Variants in SYPL1 observed in about 807,000 individuals in gnomAD.
SYPL1 encodes the protein synaptophysin like 1.
Under a neutral mutation model 23.7 loss-of-function variants are expected in SYPL1, and 6 were observed. The ratio of observed to expected loss-of-function variants is 0.25; its 90% CI spans 0.14 to 0.50. The LOEUF (loss-of-function observed/expected upper bound fraction) is 0.50, where lower values mean the gene tolerates loss of function less well. SYPL1 is among the 20% of genes least tolerant of loss of function. SYPL1 has a pLI of 0.98. For synonymous variants in SYPL1, 102 were observed against 104.5 expected, an observed-to-expected ratio of 0.98 and a Z score of 0.15; for missense variants, 253 against 288.9, an observed-to-expected ratio of 0.88 and a Z score of 0.90.
At chr7:106,092,052 AT>A (rs1839759667) in intron 4 of SYPL1, 113 bp from the exon 5 acceptor site, 1 of 1,036,584 alleles carries the variant, frequency 9.6e-7, no homozygotes, top group Non-Finnish European at 1.4e-6. Flanking sequence ...GAAGTACGCC[AT>A]TATTTCACTT....
chr7:106,108,619 G>C (rs1056587007), intron 1 of SYPL1, among the ~76,000 whole-genome samples: 4 of 152,156 alleles, frequency 2.6e-5, no homozygotes, highest in African/African-American at 9.7e-5. Context: ...TCCAGGTCTT[G>C]AGAGGCTATA....
upstream of SYPL1, chr7:106,112,489 C>G: frequency 6.6e-7 from 1 of 1,522,512 alleles, no homozygotes; most frequent in Middle Eastern, 1.8e-4. Context: ...CTGGCCGAGT[C>G]GACTGATCCG....
rs1469060219 is a variant in SYPL1, at chr7:106,099,270, A to G, written c.82T>C (p.Phe28Leu). 1 of 1,611,542 alleles carries G rather than the reference A, an allele frequency of 6.2e-7. No homozygotes were observed. ...AAACCTCCACAGGTGGCAAAAGCAA[A>G]GATAGAAGCAATCTACACAAAGTAA... Reference protein sequence around the residue: ...IKVLEWIASIFAFATCGGFKG... With the variant: ...IKVLEWIASILAFATCGGFKG... The change falls in exon 2 of 5, where the codon TTT (phenylalanine) becomes CTT (leucine). Residue 28 changes from phenylalanine to leucine, a missense_variant. Coordinates refer to ENST00000455385, the MANE Select transcript of SYPL1 (RefSeq NM_182715.4).
rs1398835163 is a variant in SYPL1, at chr7:106,104,862, G to A, written c.70-5580C>T. ...CTAGACTGGAAGTTATATACTGGCA[G>A]CCTGTTGGTAAAACCCGGCCTGCAA... On this transcript the variant is annotated intron_variant, in intron 1 of 4. Coordinates refer to ENST00000455385, the MANE Select transcript of SYPL1 (RefSeq NM_182715.4). This position sits in a 1 kb window ranked among gnomAD's most constrained non-coding sequence, Gnocchi z 4.1. Among the ~76,000 whole-genome samples, 1 of 152,134 alleles carries A rather than the reference G, an allele frequency of 6.6e-6. No homozygotes were observed. Among genetic ancestry groups the A allele is most frequent in the East Asian group, 1.9e-4 (1 of 5,198 alleles).
At chr7:106,098,026 A>G in intron 2 of SYPL1, 129 bp from the exon 3 acceptor site, 1 of 749,782 alleles carries the variant, frequency 1.3e-6, no homozygotes, top group Non-Finnish European at 2.1e-6. Context: ...GGAAAAAAGT[A>G]AAATTCAAAT....
chr7:106,093,167 T>C lies in SYPL1; in HGVS notation c.403-30A>G, dbSNP rs752287139. The C allele has an allele frequency of 3.3e-6, 5 of 1,534,458 alleles. No homozygotes were observed. The South Asian group carries it at 3.8e-5, about 12-fold the overall frequency. The stretch of plus-strand genomic sequence containing the variant: ...AGCAAAAATCAGTAAGAGTTAATAA[T>C]GAACAGTTAATTTTAATACTAAATT... On this transcript the variant is annotated intron_variant, in intron 3 of 4. Transcript: ENST00000455385.
rs1840013301 is a variant in SYPL1 at position 106,096,241 on chromosome 7, A to G, written c.402+1449T>C. On this transcript the variant is annotated intron_variant, in intron 3 of 4. Transcript: ENST00000455385. This position sits in a 1 kb window ranked among gnomAD's most constrained non-coding sequence, Gnocchi z 4.4. ...CTCTAGTTTTCTTGTGTCTCCTATG[A>G]CATAAGAAACAGAATTAAATATGAA... is the stretch of plus-strand genomic sequence containing the variant. 6.6e-6 allele frequency: 1 copy of G among 152,312 alleles called. No homozygotes were observed. The highest frequency in any genetic ancestry group is 1.9e-4 in the East Asian group (1 of 5,190). The allele number at this position is 152,312 out of a possible 1,614,324, so 9.4% of individuals were successfully genotyped here.
intron 1 of SYPL1, among the ~76,000 whole-genome samples, chr7:106,105,945 AAT>A (rs1354579160): frequency 1.3e-5 from 2 of 152,242 alleles, no homozygotes; most frequent in East Asian, 3.8e-4. Context: ...TCTTCAAAGA[AAT>A]AGATTGGTAA....
In SYPL1 at chr7:106,095,346, A is replaced by T. The variant is rs1177359371; in HGVS notation, c.403-2209T>A. Among the ~76,000 whole-genome samples, 1 of 151,468 alleles carries T rather than the reference A, an allele frequency of 6.6e-6. No homozygotes were observed. Among genetic ancestry groups the T allele is most frequent in the Non-Finnish European group, 1.5e-5 (1 of 67,948 alleles). ...CTTAAATTTTGGGTATCTCAAAAAA[A>T]ACCTTTTTTTTTTTTTCCCCTGAGA... On this transcript the variant is annotated intron_variant, in intron 3 of 4. Transcript: ENST00000455385. This position sits in a 1 kb window ranked among gnomAD's most constrained non-coding sequence, Gnocchi z 4.3.
At chr7:106,105,926 T>A (rs1840571451) in intron 1 of SYPL1, among the ~76,000 whole-genome samples, 1 of 152,198 alleles carries the variant, frequency 6.6e-6, no homozygotes, top group Non-Finnish European at 1.5e-5. Flanking sequence ...GACCCATGGC[T>A]TTAAAATGTC....
chr7:106,095,122 A>G lies in SYPL1; in HGVS notation c.403-1985T>C, dbSNP rs1434274530. ...CATTTTCTGGTATTCTCAATTTTCC[A>G]CATTGCCTTGAAACCTTAAACTCCT... On this transcript the variant is annotated intron_variant, in intron 3 of 4. Coordinates refer to ENST00000455385, the MANE Select transcript of SYPL1 (RefSeq NM_182715.4). This position sits in a 1 kb window ranked among gnomAD's most constrained non-coding sequence, Gnocchi z 4.3. 3.3e-5 allele frequency among the ~76,000 whole-genome samples: 5 copies of G among 152,150 alleles called. No homozygotes were observed. The highest frequency in any genetic ancestry group is 1.2e-4 in the African/African-American group (5 of 41,430).
chr7:106,101,884 G>C (rs1360235104), intron 1 of SYPL1, among the ~76,000 whole-genome samples: 2 of 151,884 alleles, frequency 1.3e-5, no homozygotes, highest in Non-Finnish European at 2.9e-5. Flanking sequence ...GTATCTAACA[G>C]AGTTGATTTG....
In SYPL1 at chr7:106,107,488, C is replaced by G. The variant is rs1840663207; in HGVS notation, c.69+4652G>C. On this transcript the variant is annotated intron_variant, in intron 1 of 4. Coordinates refer to ENST00000455385, the MANE Select transcript of SYPL1 (RefSeq NM_182715.4). ...GGCTGCAGTGGCTCACGCCTGTAAT[C>G]CCAGCACTTTGGGAGGCCAGGGCGG... Among the ~76,000 whole-genome samples the G allele has an allele frequency of 2.0e-5, 3 of 152,218 alleles. No individual in the cohort carries two copies. In the South Asian group the frequency reaches 6.2e-4, roughly 31 times the overall value.
At chr7:106,102,886 T>A (rs2116160344) in intron 1 of SYPL1, among the ~76,000 whole-genome samples, 1 of 152,096 alleles carries the variant, frequency 6.6e-6, no homozygotes, top group Middle Eastern at 3.4e-3. Context: ...GAAGACAATA[T>A]AAAAGAAAAC....
Position 106,109,245 on chromosome 7 carries a change from C to T in SYPL1, c.69+2895G>A, listed in dbSNP as rs1790020603. On this transcript the variant is annotated intron_variant, in intron 1 of 4. Transcript: ENST00000455385. This position sits in a 1 kb window ranked among gnomAD's most constrained non-coding sequence, Gnocchi z 4.3. ...ACTGAGTTGTAAGCTGAACTAGTGG[C>T]TTTTTTTTGTAACCACCAAATTTCT... is the stretch of plus-strand genomic sequence containing the variant. Among the ~76,000 whole-genome samples, 1 of 151,926 alleles carries T rather than the reference C, an allele frequency of 6.6e-6. No homozygotes were observed. The highest frequency in any genetic ancestry group is 2.1e-4 in the South Asian group (1 of 4,810).
chr7:106,105,780 A>C (rs1840562926), intron 1 of SYPL1, among the ~76,000 whole-genome samples: 1 of 152,204 alleles, frequency 6.6e-6, no homozygotes, highest in Non-Finnish European at 1.5e-5. Flanking sequence ...GGTAAGGGGA[A>C]TCTCATACAT....
In SYPL1 at chr7:106,112,279, C is replaced by A; in HGVS notation, c.-71G>T. ...GAGGGGACCGACGAGACCAGAGCAG[C>A]CCGGTGGCGAGGAAGGGCAGGCGGG... On this transcript the variant is annotated 5_prime_UTR_variant, in exon 1 of 5. Transcript: ENST00000455385. 7.0e-7 allele frequency: 1 copy of A among 1,419,942 alleles called. No individual in the cohort carries two copies. Among genetic ancestry groups the A allele is most frequent in the Non-Finnish European group, 9.3e-7 (1 of 1,070,416 alleles). 88.0% of individuals were successfully genotyped at this position (1,419,942 alleles called of 1,614,324 possible).
rs374831919 is a variant in SYPL1, at chr7:106,101,389, G to A, written c.70-2107C>T. 5.3e-5 allele frequency among the ~76,000 whole-genome samples: 7 copies of A among 132,774 alleles called. No individual in the cohort carries two copies. The East Asian group carries it at 6.8e-4, about 13-fold the overall frequency. The allele number at this position is 132,774 out of a possible 152,430, so 87.1% of individuals were successfully genotyped here. The stretch of plus-strand genomic sequence containing the variant: ...TATTCCAGGGCCTTGAATCTTGTAG[G>A]CCATAATCCACATTATAGTAATTGT... On this transcript the variant is annotated intron_variant, in intron 1 of 4. Transcript: ENST00000455385.
At chr7:106,092,053 T>C (rs1839759452) in intron 4 of SYPL1, 114 bp from the exon 5 acceptor site, 6 of 1,020,872 alleles carry the variant, frequency 5.9e-6, no homozygotes, top group Non-Finnish European at 6.9e-6. Context: ...AAGTACGCCA[T>C]TATTTCACTT....
Sources: allele counts gnomAD v4.1 joint callset (sites outside exome capture counted in the v4.1 genomes callset), GRCh38; gene constraint gnomAD v4.1.1; non-coding constraint Gnocchi (gnomAD v3.1); transcripts MANE v1.5; gene names NCBI Gene and HGNC (gene_info 2026-07-23, HGNC 2026-07-21).